Variants in KIF26B observed in about 807,000 individuals in gnomAD.
KIF26B encodes kinesin-like protein KIF26B.
A neutral mutation model predicts 151.2 loss-of-function variants in KIF26B; 63 were observed. The ratio of observed to expected loss-of-function variants is 0.42; its 90% CI spans 0.34 to 0.51. The LOEUF (loss-of-function observed/expected upper bound fraction) is 0.51. Ranked by LOEUF, KIF26B falls within the 20% of genes least tolerant of loss-of-function variation. The probability of loss-of-function intolerance (pLI) is 0.07; values close to 1 mark genes in which losing one functional copy is unlikely to be tolerated. For missense variants in KIF26B, 2,813 were observed against 2,913.6 expected (o/e 0.97, Z 0.79); for synonymous variants, 1,357 against 1,262.1 (o/e 1.08, Z -1.59).
In KIF26B at chr1:245,460,781, G is replaced by T. The variant is rs561779161; in HGVS notation, c.1166+41036G>T. ...GGTATGTGCACCTGCACACATGTGT[G>T]CTTACACGCAGCTCAAAACGGTGCC... On this transcript the variant is annotated intron_variant, in intron 4 of 14. Coordinates refer to ENST00000407071, the MANE Select transcript of KIF26B (RefSeq NM_018012.4). 3.9e-5 allele frequency among the ~76,000 whole-genome samples: 6 copies of T among 152,340 alleles called. No homozygotes were observed. The South Asian group carries it at 1.2e-3, about 32-fold the overall frequency.
In KIF26B at chr1:245,685,716, T is replaced by C. The variant is rs61745482; in HGVS notation, c.2733T>C (p.Ala911=). The C allele has an allele frequency of 1.9e-5, 30 of 1,611,682 alleles. No homozygotes were observed. In the African/African-American group the frequency reaches 3.7e-4, roughly 20 times the overall value. The change falls in exon 12 of 15, where the codon GCT becomes GCC. Residue 911 remains alanine (A), a synonymous_variant. Coordinates refer to ENST00000407071, the MANE Select transcript of KIF26B (RefSeq NM_018012.4). The stretch of plus-strand genomic sequence containing the variant: ...GCCGGCCCGCAGAGGCAGGAGAGGC[T>C]GCAGCCGGCAAGTCAGAAAGGGACT... The part of the protein sequence containing the change: ...GDSRPAEAGE[A]AAGKSERDCL...
chr1:245,642,537 G>T (rs1283793608), intron 9 of KIF26B, among the ~76,000 whole-genome samples: 1 of 144,958 alleles, frequency 6.9e-6, no homozygotes, highest in Non-Finnish European at 1.5e-5. Flanking sequence ...CTCCAGCCTG[G>T]GGGACAGAGC....
At chr1:245,194,556 T>C (rs1434245128) in intron 2 of KIF26B, among the ~76,000 whole-genome samples, 2 of 152,106 alleles carry the variant, frequency 1.3e-5, no homozygotes, top group East Asian at 3.9e-4. Flanking sequence ...TTTTGTATTT[T>C]TAGTAGAGAT....
intron 9 of KIF26B, among the ~76,000 whole-genome samples, chr1:245,615,444 T>C (rs1037382145): frequency 2.0e-5 from 3 of 152,200 alleles, no homozygotes; most frequent in African/African-American, 4.8e-5. Context: ...AAACAGTTCA[T>C]TAAATGACTT....
At chr1:245,423,207 G>T in intron 4 of KIF26B, among the ~76,000 whole-genome samples, 1 of 152,044 alleles carries the variant, frequency 6.6e-6, no homozygotes, top group African/African-American at 2.4e-5. Context: ...TGGCCAATGT[G>T]GCTGACGTAT....
At chr1:245,237,701 C>G (rs556456815) in intron 2 of KIF26B, among the ~76,000 whole-genome samples, 3 of 152,246 alleles carry the variant, frequency 2.0e-5, no homozygotes, top group African/African-American at 4.8e-5. Flanking sequence ...TGGATTAATA[C>G]AGGGAGTCTG....
intron 2 of KIF26B, among the ~76,000 whole-genome samples, chr1:245,230,338 G>C (rs932483844): frequency 2.0e-5 from 3 of 152,122 alleles, no homozygotes; most frequent in South Asian, 2.1e-4. Flanking sequence ...CTTGAAATAA[G>C]AAACTTAGAG....
chr1:245,197,644 T>A (rs1207395533), intron 2 of KIF26B, among the ~76,000 whole-genome samples: 1 of 152,096 alleles, frequency 6.6e-6, no homozygotes, highest in Non-Finnish European at 1.5e-5. Flanking sequence ...GTATTTGATA[T>A]AAAAATGTAT....
At chr1:245,195,443 GTGGATTATGGTCTTTGAACTAC>G (rs1217845559) in intron 2 of KIF26B, among the ~76,000 whole-genome samples, 2 of 152,206 alleles carry the variant, frequency 1.3e-5, no homozygotes, top group African/African-American at 2.4e-5. Flanking sequence ...GATGCGCTAG[GTGGATTATGGTCTTTGAACTAC>G]ACATTGCTTG....
chr1:245,202,522 G>A (rs991165982), intron 2 of KIF26B, among the ~76,000 whole-genome samples: 13 of 152,252 alleles, frequency 8.5e-5, no homozygotes, highest in Non-Finnish European at 1.8e-4. Flanking sequence ...ACTTTGGGGG[G>A]CCAAGGCGGG....
intron 2 of KIF26B, among the ~76,000 whole-genome samples, chr1:245,162,125 G>A (rs1668542072): frequency 6.6e-6 from 1 of 152,178 alleles, no homozygotes; most frequent in South Asian, 2.1e-4. Context: ...CCATCGGCAG[G>A]GCGGCCAGAC....
chr1:245,688,110 C>T lies in KIF26B; in HGVS notation c.5127C>T (p.Ser1709=). Residue 1709 remains serine (S), a synonymous_variant, in exon 12 of 15, where the codon AGC becomes AGT. Transcript: ENST00000407071. ...GCACCATGCCCCGCGCGGGGAGGAG[C>T]CTGGGCCGCAGCGCCGGGACCTCGC... ...KDGTMPRAGR[S]LGRSAGTSPP... is the part of the protein sequence containing the mutation. 3 of 1,561,268 alleles carry T rather than the reference C, an allele frequency of 1.9e-6. No homozygotes were observed. The highest frequency in any genetic ancestry group is 2.6e-6 in the Non-Finnish European group (3 of 1,156,892).
chr1:245,314,169 G>A (rs574936390), intron 2 of KIF26B, among the ~76,000 whole-genome samples: 2 of 152,042 alleles, frequency 1.3e-5, no homozygotes, highest in Non-Finnish European at 2.9e-5. Context: ...ATATTCAGGC[G>A]GGGGGCGGTG....
intron 5 of KIF26B, among the ~76,000 whole-genome samples, chr1:245,590,421 T>G (rs893153782): frequency 2.6e-5 from 4 of 152,260 alleles, no homozygotes; most frequent in Non-Finnish European, 5.9e-5. Context: ...CCACTGCTGC[T>G]TTCTCAAAAA....
intron 9 of KIF26B, among the ~76,000 whole-genome samples, chr1:245,645,119 G>A (rs2043933147): frequency 6.6e-6 from 1 of 152,140 alleles, no homozygotes; most frequent in South Asian, 2.1e-4. Flanking sequence ...CTGTTCATGA[G>A]GGATCCACCC....
chr1:245,497,045 C>T (rs144982951), intron 4 of KIF26B, among the ~76,000 whole-genome samples: 39 of 151,044 alleles, frequency 2.6e-4, no homozygotes, highest in Non-Finnish European at 4.1e-4. Context: ...CGCAACTACT[C>T]GGGAGGTTGA....
chr1:245,201,032 A>T (rs1287451560), intron 2 of KIF26B, among the ~76,000 whole-genome samples: 2 of 152,198 alleles, frequency 1.3e-5, no homozygotes, highest in African/African-American at 2.4e-5. Context: ...CCTAAAAAGG[A>T]GACAGGATTA....
chr1:245,369,168 TGAGAGAGAGAGAGAGA>T (rs112848389), intron 3 of KIF26B, among the ~76,000 whole-genome samples: 1 of 135,764 alleles, frequency 7.4e-6, no homozygotes, highest in Non-Finnish European at 1.7e-5. Flanking sequence ...AAAAGAAGAG[TGAGAGAGAGAGAGAGA>T]GAGAGAGAGA....
chr1:245,303,666 T>A (rs1329914668), intron 2 of KIF26B, among the ~76,000 whole-genome samples: 1 of 152,240 alleles, frequency 6.6e-6, no homozygotes, highest in Admixed American at 6.5e-5. Flanking sequence ...TAGTTTCTTA[T>A]ATTAACTAAA....
Sources: allele counts gnomAD v4.1 joint callset (sites outside exome capture counted in the v4.1 genomes callset), GRCh38; gene constraint gnomAD v4.1.1; transcripts MANE v1.5; gene names NCBI Gene and HGNC (gene_info 2026-07-23, HGNC 2026-07-21).